PAPPA: variants seen among roughly 807,000 people sequenced by gnomAD.
PAPPA encodes the protein pappalysin 1, also known as pappalysin-1.
Under a neutral mutation model 164.0 loss-of-function variants are expected in PAPPA, and 60 were observed. That is an observed-to-expected ratio of 0.37 (90% CI 0.30 to 0.45). PAPPA has a LOEUF of 0.45. PAPPA is among the 20% of genes least tolerant of loss of function. PAPPA has a pLI of 1.00. For missense variants in PAPPA, 1,782 were observed against 2,087.3 expected, an observed-to-expected ratio of 0.85 and a Z score of 2.85; for synonymous variants, 875 against 814.1, an observed-to-expected ratio of 1.07 and a Z score of -1.27.
At chr9:116,345,098 T>C (rs1379678330) in intron 14 of PAPPA, among the ~76,000 whole-genome samples, 1 of 152,178 alleles carries the variant, frequency 6.6e-6, no homozygotes, top group Non-Finnish European at 1.5e-5. Flanking sequence ...CACTAATTCA[T>C]TGCAAAGCAT....
chr9:116,238,068 T>G (rs1464523135), intron 7 of PAPPA, among the ~76,000 whole-genome samples: 1 of 152,266 alleles, frequency 6.6e-6, no homozygotes, highest in East Asian at 1.9e-4. Flanking sequence ...CATTTAAAAA[T>G]TGCCTGGGTC....
Position 116,382,471 on chromosome 9 carries a change from C to G in PAPPA, c.4754C>G (p.Thr1585Ser). The G allele has an allele frequency of 1.9e-6, 3 of 1,612,894 alleles. No homozygotes were observed. Among genetic ancestry groups the G allele is most frequent in the Non-Finnish European group, 1.7e-6 (2 of 1,178,908 alleles). ...FCNYDGGDCC[T>S]STVKTKKVTP... The stretch of plus-strand genomic sequence containing the variant: ...AACTATGACGGTGGGGATTGCTGCA[C>G]CTCCACAGTGAAGACCAAAAAGGTA... Residue 1585 changes from threonine to serine, a missense_variant, in exon 21 of 22, where the codon ACC (threonine) becomes AGC (serine). Coordinates refer to ENST00000328252, the MANE Select transcript of PAPPA (RefSeq NM_002581.5).
chr9:116,382,427 C>T lies in PAPPA; in HGVS notation c.4710C>T (p.Ile1570=). 6.2e-7 allele frequency: 1 copy of T among 1,613,742 alleles called. No individual in the cohort carries two copies. Among genetic ancestry groups the T allele is most frequent in the Non-Finnish European group, 8.5e-7 (1 of 1,179,670 alleles). ...TGGGAGACAATTATTGTGATGCCATCAACAACCGAGCCTTTTGCAACTATG... is the reference window on the plus strand; with the variant it reads ...TGGGAGACAATTATTGTGATGCCATTAACAACCGAGCCTTTTGCAACTATG... ...PFMGDNYCDA[I]NNRAFCNYDG... is the part of the protein sequence containing the mutation. Residue 1570 remains isoleucine (I), a synonymous_variant, in exon 21 of 22, where the codon ATC becomes ATT. Transcript: ENST00000328252.
chr9:116,313,764 G>T (rs77473453), intron 10 of PAPPA, among the ~76,000 whole-genome samples: 1,599 of 152,216 alleles, frequency 0.011, 23 homozygotes, highest in African/African-American at 0.036. Context: ...TGAAACTGAG[G>T]AACTAATTGG....
intron 9 of PAPPA, among the ~76,000 whole-genome samples, chr9:116,298,917 T>C (rs1002342066): frequency 1.3e-5 from 2 of 152,226 alleles, no homozygotes; most frequent in Non-Finnish European, 2.9e-5. Flanking sequence ...AGAAAGTATT[T>C]AAGGAGCACC....
intron 8 of PAPPA, among the ~76,000 whole-genome samples, chr9:116,267,877 G>A (rs1261389146): frequency 5.3e-5 from 4 of 76,058 alleles, no homozygotes; most frequent in Non-Finnish European, 4.3e-5. Flanking sequence ...GCGAGACTCC[G>A]TCTCAAAAAA....
intron 13 of PAPPA, 142 bp downstream of exon 13, chr9:116,335,216 G>A (rs35874577): frequency 0.12 from 82,793 of 692,424 alleles, 6,087 homozygotes; most frequent in Admixed American, 0.22. Flanking sequence ...GCCTCTGGCC[G>A]GCTCTGCCTT....
At chr9:116,290,747 A>G (rs1845426078) in intron 9 of PAPPA, among the ~76,000 whole-genome samples, 1 of 136,554 alleles carries the variant, frequency 7.3e-6, no homozygotes. Context: ...AACTGCTGAA[A>G]CTCCCTTTGT....
chr9:116,323,937 G>T (rs117848116), intron 10 of PAPPA, among the ~76,000 whole-genome samples: 351 of 152,286 alleles, frequency 2.3e-3, no homozygotes, highest in Non-Finnish European at 4.2e-3. Context: ...CTAGGAGGCA[G>T]GTCCCTTGCC....
chr9:116,182,395 T>G (rs779733483), intron 1 of PAPPA, among the ~76,000 whole-genome samples: 6 of 152,218 alleles, frequency 3.9e-5, no homozygotes, highest in African/African-American at 1.4e-4. Context: ...AACAGCCACA[T>G]ATGTGGGAAG....
chr9:116,295,553 CAAAAAAA>C (rs56171405), intron 9 of PAPPA, among the ~76,000 whole-genome samples: 1 of 114,726 alleles, frequency 8.7e-6, no homozygotes, highest in African/African-American at 3.6e-5. Flanking sequence ...GACTCGGTCT[CAAAAAAA>C]AAAAAAAAAA....
At chr9:116,312,288 C>CTTTCTTTTTTTTTTT (rs1845728233) in intron 10 of PAPPA, among the ~76,000 whole-genome samples, 1 of 129,634 alleles carries the variant, frequency 7.7e-6, no homozygotes, top group Non-Finnish European at 1.6e-5. Context: ...TTCTTTCTTT[C>CTTTCTTTTTTTTTTT]TTTTTTTTTT....
chr9:116,242,254 C>T (rs1844745215), intron 7 of PAPPA, among the ~76,000 whole-genome samples: 1 of 152,076 alleles, frequency 6.6e-6, no homozygotes, highest in Non-Finnish European at 1.5e-5. Context: ...GAAGAAGTGA[C>T]ATGTAAGCTG....
chr9:116,315,324 C>T (rs750556558), intron 10 of PAPPA, among the ~76,000 whole-genome samples: 2 of 152,162 alleles, frequency 1.3e-5, no homozygotes, highest in Non-Finnish European at 2.9e-5. Flanking sequence ...CTACTCTGTG[C>T]CTCCATAATC....
intron 10 of PAPPA, among the ~76,000 whole-genome samples, chr9:116,319,197 G>A (rs991214697): frequency 1.4e-4 from 22 of 152,220 alleles, no homozygotes; most frequent in Non-Finnish European, 1.5e-4. Context: ...CGGAGGGCCC[G>A]TGTGAAATGA....
intron 7 of PAPPA, among the ~76,000 whole-genome samples, chr9:116,258,932 G>A (rs1291941587): frequency 1.3e-5 from 2 of 151,968 alleles, no homozygotes; most frequent in Non-Finnish European, 2.9e-5. Context: ...TCAGGGGTTC[G>A]AAAGCAGCCT....
intron 9 of PAPPA, among the ~76,000 whole-genome samples, chr9:116,279,921 A>C (rs1047474644): frequency 4.6e-5 from 7 of 152,160 alleles, no homozygotes; most frequent in Admixed American, 2.0e-4. Context: ...GAGTGCCCTG[A>C]GGGAAATTGA....
intron 7 of PAPPA, among the ~76,000 whole-genome samples, chr9:116,238,164 C>T (rs1475565491): frequency 6.6e-6 from 1 of 152,000 alleles, no homozygotes; most frequent in Non-Finnish European, 1.5e-5. Flanking sequence ...TTTAAAATCT[C>T]ATAAGGTGAT....
chr9:116,253,109 G>A (rs1187949128), intron 7 of PAPPA, among the ~76,000 whole-genome samples: 1 of 151,704 alleles, frequency 6.6e-6, no homozygotes, highest in Admixed American at 6.6e-5. Context: ...GCTCACTTTT[G>A]TAATAAAGTA....
Sources: gnomAD v4.1 joint callset for allele counts (sites outside exome capture counted in the v4.1 genomes callset) on GRCh38, gnomAD v4.1.1 for gene constraint, MANE v1.5 for transcripts, NCBI Gene and HGNC (gene_info 2026-07-23, HGNC 2026-07-21) for gene names.